Variants in STN1 observed in about 807,000 individuals in gnomAD.
STN1 encodes the protein STN1 subunit of CST complex, also known as CST complex subunit STN1.
A neutral mutation model predicts 45.5 loss-of-function variants in STN1; 29 were observed. That is an observed-to-expected ratio of 0.64 (90% CI 0.47 to 0.87). The LOEUF is 0.87. Ranked by LOEUF, STN1 falls within the 40% of genes least tolerant of loss-of-function variation. The pLI, the probability that STN1 is intolerant of heterozygous loss-of-function variation, is 0.00. For missense variants in STN1, 376 were observed against 441.4 expected (o/e 0.85, Z 1.33); for synonymous variants, 148 against 159.0 (o/e 0.93, Z 0.52).
chr10:103,908,667 A>G (rs1432761039), intron 3 of STN1, among the ~76,000 whole-genome samples: 1 of 152,180 alleles, frequency 6.6e-6, no homozygotes, highest in Non-Finnish European at 1.5e-5. Flanking sequence ...AAGCCCACAG[A>G]TGTTTCATGC....
rs1487745253 is a variant in STN1 at position 103,879,692 on chromosome 10, A to C, written c.*2992T>G. The C allele has an allele frequency of 3.9e-5, 6 of 152,770 alleles. No individual in the cohort carries two copies. The highest frequency in any genetic ancestry group is 1.2e-4 in the African/African-American group (5 of 41,456). 9.5% of individuals were successfully genotyped at this position (152,770 alleles called of 1,614,324 possible). On this transcript the variant is annotated 3_prime_UTR_variant, in exon 10 of 10. Transcript: ENST00000224950. ...GCTGTAGGAGAGTGGGAGCATTAAC[A>C]GGGTGGCAACAGCTGCTGTGCTGTG... is the stretch of plus-strand genomic sequence containing the variant.
chr10:103,909,400 A>ATG lies in STN1; in HGVS notation c.229+1126_229+1127insCA, dbSNP rs1176907572. Among the ~76,000 whole-genome samples the ATG allele has an allele frequency of 2.8e-4, 16 of 57,810 alleles. 2 individuals carry two copies. The highest frequency in any genetic ancestry group is 9.6e-4 in the South Asian group (2 of 2,084). The allele number at this position is 57,810 out of a possible 152,430, so 37.9% of individuals were successfully genotyped here. A position where few individuals can be genotyped will look rare whatever the true frequency, so the allele number is the denominator to read the frequency against. On this transcript the variant is annotated intron_variant, in intron 3 of 9. Transcript: ENST00000224950. ...TATATGTATATATATGTATATATGT[A>ATG]TATATATGTATATATGTATATATGT...
intron 7 of STN1, among the ~76,000 whole-genome samples, chr10:103,892,477 ATTTTTT>A (rs879764110): frequency 6.9e-6 from 1 of 144,276 alleles, no homozygotes; most frequent in Non-Finnish European, 1.5e-5. Flanking sequence ...CTTAGTTGTG[ATTTTTT>A]TTTTTTTAAT....
intron 4 of STN1, among the ~76,000 whole-genome samples, chr10:103,902,299 G>A (rs1327584760): frequency 6.6e-6 from 1 of 151,990 alleles, no homozygotes; most frequent in Non-Finnish European, 1.5e-5. Flanking sequence ...CCTATCCCCA[G>A]GCCCTCTTCT....
chr10:103,895,769 T>C (rs187347403), intron 7 of STN1, among the ~76,000 whole-genome samples: 7 of 152,326 alleles, frequency 4.6e-5, no homozygotes, highest in Admixed American at 2.0e-4. Flanking sequence ...CAAGAACTTA[T>C]GTTACCTAGC....
intron 3 of STN1, among the ~76,000 whole-genome samples, chr10:103,909,163 C>T (rs1843263814): frequency 6.6e-6 from 1 of 151,130 alleles, no homozygotes; most frequent in African/African-American, 2.4e-5. Flanking sequence ...GCTATTATTT[C>T]GTTGTTGGCA....
chr10:103,906,785 T>C (rs1211669052), intron 3 of STN1, among the ~76,000 whole-genome samples: 3 of 152,132 alleles, frequency 2.0e-5, no homozygotes, highest in Non-Finnish European at 4.4e-5. Flanking sequence ...CCAATAAAAA[T>C]ACATCAGTAT....
chr10:103,917,702 C>T lies in STN1; in HGVS notation c.-62-46G>A. On this transcript the variant is annotated intron_variant, in intron 1 of 9. Transcript: ENST00000224950. ...AGGATGCAATGCGTTTAACGTGGGT[C>T]AAAGTGGCACGGCCCTGACGCTGCT... The T allele has an allele frequency of 5.4e-6, 7 of 1,298,544 alleles. No individual in the cohort carries two copies. In the South Asian group the frequency reaches 9.7e-5, roughly 18 times the overall value. 80.4% of individuals were successfully genotyped at this position (1,298,544 alleles called of 1,614,324 possible). A position where few individuals can be genotyped will look rare whatever the true frequency, so the allele number is the denominator to read the frequency against.
chr10:103,892,091 A>C, intron 8 of STN1, 39 bp downstream of exon 8: 1 of 1,467,204 alleles, frequency 6.8e-7, no homozygotes, highest in Non-Finnish European at 9.3e-7. Flanking sequence ...TTTGTAATTG[A>C]AGCTACAAAG....
intron 2 of STN1, among the ~76,000 whole-genome samples, chr10:103,915,078 C>G (rs994568588): frequency 2.0e-5 from 3 of 152,174 alleles, no homozygotes; most frequent in African/African-American, 4.8e-5. Context: ...TCAGGGCCAG[C>G]CAAATGAAGA....
chr10:103,915,224 G>T (rs970273747), intron 2 of STN1, among the ~76,000 whole-genome samples: 2 of 152,182 alleles, frequency 1.3e-5, no homozygotes, highest in Non-Finnish European at 2.9e-5. Context: ...TTTTACTGAG[G>T]TCTCATAAGG....
intron 3 of STN1, 147 bp from the exon 4 acceptor site, chr10:103,905,303 T>G (rs532451428): frequency 9.5e-5 from 68 of 713,258 alleles, no homozygotes; most frequent in Non-Finnish European, 1.6e-4. Context: ...CTTCCACCTT[T>G]GAAACAACCT....
chr10:103,907,062 T>C (rs1014887014), intron 3 of STN1, among the ~76,000 whole-genome samples: 5 of 151,238 alleles, frequency 3.3e-5, no homozygotes, highest in East Asian at 2.0e-4. Context: ...CAGTGTGCTA[T>C]GATTGTGCCT....
intron 7 of STN1, among the ~76,000 whole-genome samples, chr10:103,895,520 A>T (rs1446983154): frequency 6.6e-6 from 1 of 152,250 alleles, no homozygotes; most frequent in Admixed American, 6.5e-5. Flanking sequence ...GTCAGCCGAC[A>T]GCTGGAGCGC....
At chr10:103,910,760 T>C (rs1843284974) in intron 2 of STN1, 138 bp from the exon 3 acceptor site, 4 of 562,400 alleles carry the variant, frequency 7.1e-6, no homozygotes, top group Non-Finnish European at 1.3e-5. Context: ...TAAGAATCAG[T>C]CCTTGACAAA....
At position 103,917,461 on chromosome 10, in the gene STN1, C is replaced by T. The variant is rs1466656621; in HGVS notation, c.133+1G>A. 1 of 1,612,890 alleles carries T rather than the reference C, an allele frequency of 6.2e-7. No individual in the cohort carries two copies. The highest frequency in any genetic ancestry group is 8.5e-7 in the Non-Finnish European group (1 of 1,179,408). ...GCATCCCAGGGTGGCTAGCCACATA[C>T]CTGGCACCTGGCGGGACTCCTTCAT... On this transcript the variant is annotated splice_donor_variant, in intron 2 of 9. Coordinates refer to ENST00000224950, the MANE Select transcript of STN1 (RefSeq NM_024928.5). LOFTEE classifies it high-confidence loss of function.
intron 4 of STN1, among the ~76,000 whole-genome samples, chr10:103,902,618 A>G (rs1309004103): frequency 3.3e-5 from 5 of 152,256 alleles, no homozygotes; most frequent in Non-Finnish European, 5.9e-5. Flanking sequence ...AACTTTGCTC[A>G]TAAGCTAAGT....
rs965582197 is a variant in STN1, at chr10:103,898,873, T to C, written c.581+4A>G. On this transcript the variant is annotated splice_donor_region_variant and intron_variant, in intron 6 of 9. Coordinates refer to ENST00000224950, the MANE Select transcript of STN1 (RefSeq NM_024928.5). ...GTGCTCAGCAGTGATAAGTCACCAC[T>C]TACCTTAGTGCCTCTTCTTTCTCTA... 6.2e-6 allele frequency: 10 copies of C among 1,613,656 alleles called. No individual in the cohort carries two copies. The South Asian group carries it at 6.6e-5, about 11-fold the overall frequency.
At chr10:103,911,950 G>A (rs1009442443) in intron 2 of STN1, among the ~76,000 whole-genome samples, 13 of 152,118 alleles carry the variant, frequency 8.5e-5, no homozygotes, top group African/African-American at 2.9e-4. Flanking sequence ...GGAGTGAGAC[G>A]TGGTTTTAAG....
Sources: gnomAD v4.1 joint callset for allele counts (sites outside exome capture counted in the v4.1 genomes callset) on GRCh38, gnomAD v4.1.1 for gene constraint, MANE v1.5 for transcripts, NCBI Gene and HGNC (gene_info 2026-07-23, HGNC 2026-07-21) for gene names.